Variants in RAPGEFL1 observed in about 807,000 individuals in gnomAD.
RAPGEFL1 encodes rap guanine nucleotide exchange factor-like 1.
A neutral mutation model predicts 64.4 loss-of-function variants in RAPGEFL1; 31 were observed. The ratio of observed to expected loss-of-function variants is 0.48; its 90% confidence interval spans 0.36 to 0.65. The LOEUF is 0.65. RAPGEFL1 is among the 30% of genes least tolerant of loss of function. The pLI is 0.00. For missense variants in RAPGEFL1, 682 were observed against 677.4 expected (o/e 1.01, Z -0.08); for synonymous variants, 331 against 274.1 (o/e 1.21, Z -2.05).
chr17:40,189,719 C>A (rs1313647324), intron 6 of RAPGEFL1, among the ~76,000 whole-genome samples: 1 of 152,180 alleles, frequency 6.6e-6, no homozygotes, highest in Admixed American at 6.5e-5. Context: ...GCATCTGCGA[C>A]CCCACCCCGA....
chr17:40,177,464 C>T (rs957040916), upstream of RAPGEFL1: 17 of 642,444 alleles, frequency 2.6e-5, no homozygotes, highest in Admixed American at 6.9e-5. Context: ...GGTCTCGGTT[C>T]TGCCACCTTC....
rs892604903 is a variant in RAPGEFL1, at chr17:40,191,087, G to A, written c.1336-229G>A. 10 of 593,740 alleles carry A rather than the reference G, an allele frequency of 1.7e-5. No homozygotes were observed. Among genetic ancestry groups the A allele is most frequent in the Non-Finnish European group, 2.9e-5 (10 of 343,270 alleles). The allele number at this position is 593,740 out of a possible 1,614,324, so 36.8% of individuals were successfully genotyped here. A position where few individuals can be genotyped will look rare whatever the true frequency, so the allele number is the denominator to read the frequency against. On this transcript the variant is annotated intron_variant, in intron 8 of 14. Transcript: ENST00000620260. The surrounding 1 kb of genome is among the most constrained non-coding windows in gnomAD (Gnocchi z 5.1). ...TGTCTTGAGGATGTCAGCCGTGAGC[G>A]AATGCCTGGCACCTAGTAAGTGCTC...
At chr17:40,188,392 A>G (rs1990150667) in intron 4 of RAPGEFL1, 1 of 169,996 alleles carries the variant, frequency 5.9e-6, no homozygotes, top group South Asian at 1.4e-4. Flanking sequence ...AAGTAGCTGT[A>G]TGCCTGTCTA....
chr17:40,184,579 A>G lies in RAPGEFL1; in HGVS notation c.736-2A>G. On this transcript the variant is annotated splice_acceptor_variant, in intron 3 of 14. Transcript: ENST00000620260. LOFTEE classifies it high-confidence loss of function. ...TCACCTTCTTTGTCCTCCTCTCTCC[A>G]GGATCTATACCTGCTAATTATGAAG... The G allele has an allele frequency of 6.6e-7, 1 of 1,519,474 alleles. No homozygotes were observed. 94.1% of individuals were successfully genotyped at this position (1,519,474 alleles called of 1,614,324 possible). A position where few individuals can be genotyped will look rare whatever the true frequency, so the allele number is the denominator to read the frequency against.
At chr17:40,181,375 C>A in intron 1 of RAPGEFL1, 1 of 628,012 alleles carries the variant, frequency 1.6e-6, no homozygotes, top group Non-Finnish European at 3.0e-6. Context: ...CCATCAAAGG[C>A]ACGCGCCCCC....
At position 40,189,269 on chromosome 17, in the gene RAPGEFL1, A is replaced by T; in HGVS notation, c.1008A>T (p.Ala336=). 6.2e-7 allele frequency: 1 copy of T among 1,614,188 alleles called. No individual in the cohort carries two copies. The highest frequency in any genetic ancestry group is 2.2e-5 in the East Asian group (1 of 44,884). ...TGACCATACGCAGCCGCCTTTCAGCATCTGTGCAGGACATTCTGGGCTCTG... is the reference window on the plus strand; with the variant it reads ...TGACCATACGCAGCCGCCTTTCAGCTTCTGTGCAGGACATTCTGGGCTCTG... ...SYVTIRSRLS[A]SVQDILGSVT... The change falls in exon 6 of 15, where the codon GCA becomes GCT. Residue 336 remains alanine (A), a synonymous_variant. Transcript: ENST00000620260.
At chr17:40,178,411 A>G (rs1989790683) in intron 1 of RAPGEFL1, 30 bp downstream of exon 1, 1 of 471,756 alleles carries the variant, frequency 2.1e-6, no homozygotes. Flanking sequence ...GAACACCCAG[A>G]GCAGGGGCTG....
In RAPGEFL1 at chr17:40,194,139, G is replaced by A. The variant is rs1242681891; in HGVS notation, c.*351G>A. On this transcript the variant is annotated 3_prime_UTR_variant, in exon 15 of 15. Coordinates refer to ENST00000620260, the MANE Select transcript of RAPGEFL1 (RefSeq NM_016339.6). ...GCTGCTCACCCTTCTGTCTTGCAGA[G>A]TGGGATTGTGGGAGGGATTGGCAGC... 4.1e-6 allele frequency: 1 copy of A among 242,486 alleles called. No homozygotes were observed. Among genetic ancestry groups the A allele is most frequent in the Non-Finnish European group, 8.2e-6 (1 of 122,432 alleles). The allele number at this position is 242,486 out of a possible 1,614,324, so 15.0% of individuals were successfully genotyped here.
chr17:40,192,366 G>A, intron 11 of RAPGEFL1, 103 bp downstream of exon 11: 2 of 1,301,046 alleles, frequency 1.5e-6, no homozygotes, highest in South Asian at 2.4e-5. Flanking sequence ...GGTGTTTAGT[G>A]TATGGGACCC....
In RAPGEFL1 at chr17:40,192,649, A is replaced by G. The variant is rs1990315852; in HGVS notation, c.1700A>G (p.Lys567Arg). 2 of 1,613,944 alleles carry G rather than the reference A, an allele frequency of 1.2e-6. No homozygotes were observed. The highest frequency in any genetic ancestry group is 1.7e-6 in the Non-Finnish European group (2 of 1,179,966). The change falls in exon 12 of 15, where the codon AAA becomes AGA. Residue 567 changes from lysine to arginine, a missense_variant. Coordinates refer to ENST00000620260, the MANE Select transcript of RAPGEFL1 (RefSeq NM_016339.6). ...AAAAGCTACCGAGAAGTGATCTCCA[A>G]AATGAAGCCCCCTGTGATTCCCTTC... ...NHKSYREVISKMKPPVIPFVP... is the reference protein window; with the variant it reads ...NHKSYREVISRMKPPVIPFVP...
intron 4 of RAPGEFL1, among the ~76,000 whole-genome samples, chr17:40,187,882 A>G (rs187445353): frequency 1.8e-3 from 239 of 135,624 alleles, no homozygotes; most frequent in Middle Eastern, 4.6e-3. Context: ...CAAAGTGCTG[A>G]GATTACAGGC....
Position 40,192,971 on chromosome 17 carries a change from T to C in RAPGEFL1, c.1790T>C (p.Leu597Ser), listed in dbSNP as rs1315256589. 1 of 1,613,938 alleles carries C rather than the reference T, an allele frequency of 6.2e-7. No individual in the cohort carries two copies. The highest frequency in any genetic ancestry group is 8.5e-7 in the Non-Finnish European group (1 of 1,179,888). Residue 597 changes from leucine to serine, a missense_variant, in exon 13 of 15, where the codon TTG becomes TCG. Around this residue, in one of 2 missense-constraint regions of RAPGEFL1, gnomAD observed 411 missense variants for 519.4 expected, o/e 0.79. Coordinates refer to ENST00000620260, the MANE Select transcript of RAPGEFL1 (RefSeq NM_016339.6). ...HEGSKTLVDG[L>S]VNIEKLHSVA... Reference sequence around the variant, plus strand: ...GGGAGTAAGACCCTTGTAGATGGTTTGGTGAACATCGAGAAGCTGGTGAGT... The same window carrying C: ...GGGAGTAAGACCCTTGTAGATGGTTCGGTGAACATCGAGAAGCTGGTGAGT...
At chr17:40,190,923 CAA>C (rs763081388) in intron 8 of RAPGEFL1, 161 bp downstream of exon 8, 35 of 1,156,408 alleles carry the variant, frequency 3.0e-5, no homozygotes, top group South Asian at 1.4e-4. Context: ...AAAAAAATCG[CAA>C]AGAGAGAGAC....
In RAPGEFL1 at chr17:40,191,762, G is replaced by T; in HGVS notation, c.1605+90G>T. ...TCCCGGGACGGCCGCCGGCCTGGAG[G>T]GAGTCTTTGCGCCAGTTGGAGGGAG... On this transcript the variant is annotated intron_variant, in intron 10 of 14. Coordinates refer to ENST00000620260, the MANE Select transcript of RAPGEFL1 (RefSeq NM_016339.6). This position sits in a 1 kb window ranked among gnomAD's most constrained non-coding sequence, Gnocchi z 5.1. 7.4e-7 allele frequency: 1 copy of T among 1,352,246 alleles called. No individual in the cohort carries two copies. The highest frequency in any genetic ancestry group is 1.0e-6 in the Non-Finnish European group (1 of 968,986). The allele number at this position is 1,352,246 out of a possible 1,614,324, so 83.8% of individuals were successfully genotyped here.
chr17:40,191,133 T>C lies in RAPGEFL1; in HGVS notation c.1336-183T>C. The C allele has an allele frequency of 1.6e-6, 1 of 631,078 alleles. No individual in the cohort carries two copies. Among genetic ancestry groups the C allele is most frequent in the Non-Finnish European group, 2.7e-6 (1 of 374,212 alleles). The allele number at this position is 631,078 out of a possible 1,614,324, so 39.1% of individuals were successfully genotyped here. A position where few individuals can be genotyped will look rare whatever the true frequency, so the allele number is the denominator to read the frequency against. ...TGCTCAGTAGCTGGTGAAATATTAT[T>C]AATGCTGGTTGTTTTCTTTTTCCGC... is the stretch of plus-strand genomic sequence containing the variant. On this transcript the variant is annotated intron_variant, in intron 8 of 14. Transcript: ENST00000620260. The surrounding 1 kb of genome is among the most constrained non-coding windows in gnomAD (Gnocchi z 5.1).
Position 40,189,372 on chromosome 17 carries a change from G to A in RAPGEFL1, c.1111G>A (p.Gly371Arg). The change falls in exon 6 of 15, where the codon GGA becomes AGA. Residue 371 changes from glycine to arginine, a missense_variant. Coordinates refer to ENST00000620260, the MANE Select transcript of RAPGEFL1 (RefSeq NM_016339.6). The part of the protein sequence containing the change: ...SLILVAVSSS[G>R]EKVLLQPTED... ...CATCCTGGTAGCTGTGTCCTCCTCT[G>A]GAGGTGAGGGTCAGGAAGAACTGGG... 1.9e-6 allele frequency: 3 copies of A among 1,614,056 alleles called. No homozygotes were observed. The highest frequency in any genetic ancestry group is 2.5e-6 in the Non-Finnish European group (3 of 1,179,996).
At chr17:40,187,465 C>T (rs1990113547) in intron 4 of RAPGEFL1, among the ~76,000 whole-genome samples, 7 of 152,084 alleles carry the variant, frequency 4.6e-5, no homozygotes, top group Admixed American at 4.6e-4. Flanking sequence ...AACATCCCAG[C>T]ATTCAATACC....
rs530437575 is a variant in RAPGEFL1 at position 40,178,406 on chromosome 17, C to T, written c.520+25C>T. The T allele has an allele frequency of 1.7e-4, 84 of 481,982 alleles. No homozygotes were observed. The East Asian group carries it at 2.8e-3, about 16-fold the overall frequency. 29.9% of individuals were successfully genotyped at this position (481,982 alleles called of 1,614,324 possible). ...GGTAAGGAGCCGGTGGGCTCGAACACCCAGAGCAGGGGCTGGCCCCGGCTC... is the reference window on the plus strand; with the variant it reads ...GGTAAGGAGCCGGTGGGCTCGAACATCCAGAGCAGGGGCTGGCCCCGGCTC... On this transcript the variant is annotated intron_variant, in intron 1 of 14. Coordinates refer to ENST00000620260, the MANE Select transcript of RAPGEFL1 (RefSeq NM_016339.6).
At chr17:40,192,163 C>T in intron 10 of RAPGEFL1, 50 bp from the exon 11 acceptor site, 2 of 1,546,306 alleles carry the variant, frequency 1.3e-6, no homozygotes, top group South Asian at 2.2e-5. Context: ...TCCCATGTAA[C>T]CCAAGGAGCT....
Sources: allele counts gnomAD v4.1 joint callset (sites outside exome capture counted in the v4.1 genomes callset), GRCh38; gene constraint gnomAD v4.1.1; regional missense constraint gnomAD v4.1.1; non-coding constraint Gnocchi (gnomAD v3.1); transcripts MANE v1.5; gene names NCBI Gene and HGNC (gene_info 2026-07-23, HGNC 2026-07-21).